Variants in ASPHD1 observed in about 807,000 individuals in gnomAD.
The protein encoded by ASPHD1 is aspartate beta-hydroxylase domain containing 1.
In ASPHD1, 20 loss-of-function variants were observed where a neutral mutation model predicts 28.3. The ratio of observed to expected loss-of-function variants is 0.71; its 90% confidence interval spans 0.50 to 1.03. The LOEUF (loss-of-function observed/expected upper bound fraction) is 1.03, where lower values mean the gene tolerates loss of function less well. Ranked by LOEUF, ASPHD1 falls within the 50% of genes least tolerant of loss-of-function variation. ASPHD1 has a pLI of 0.00. For synonymous variants in ASPHD1, 240 were observed against 221.2 expected, an observed-to-expected ratio of 1.08 and a Z score of -0.75; for missense variants, 479 against 524.1, an observed-to-expected ratio of 0.91 and a Z score of 0.84.
At chr16:29,918,633 G>A (rs575960795) in intron 3 of ASPHD1, among the ~76,000 whole-genome samples, 1 of 151,256 alleles carries the variant, frequency 6.6e-6, no homozygotes, top group African/African-American at 2.4e-5. Flanking sequence ...ACCACTCCCA[G>A]CTAATTTTTG....
chr16:29,903,130 C>T (rs917493987), intron 1 of ASPHD1, among the ~76,000 whole-genome samples: 3 of 150,926 alleles, frequency 2.0e-5, no homozygotes, highest in Admixed American at 2.0e-4. Context: ...CTGAGGCAGG[C>T]GGATCACCTG....
chr16:29,905,417 G>A (rs1245123547), intron 2 of ASPHD1, among the ~76,000 whole-genome samples: 1 of 152,038 alleles, frequency 6.6e-6, no homozygotes, highest in Non-Finnish European at 1.5e-5. Context: ...CCTGAGGCCA[G>A]GAGTTCGAGA....
At chr16:29,903,656 G>T (rs962898108) in intron 1 of ASPHD1, among the ~76,000 whole-genome samples, 9 of 151,946 alleles carry the variant, frequency 5.9e-5, no homozygotes, top group Non-Finnish European at 1.3e-4. Context: ...CCCTCTCTCT[G>T]TGCTCTAAAT....
intron 3 of ASPHD1, chr16:29,913,464 C>T (rs537696813): frequency 3.3e-5 from 5 of 152,270 alleles, no homozygotes; most frequent in Admixed American, 2.0e-4. Context: ...AGTATGAATT[C>T]GTTATCTATC....
chr16:29,904,597 A>C (rs2068583658), intron 1 of ASPHD1, among the ~76,000 whole-genome samples: 1 of 143,136 alleles, frequency 7.0e-6, no homozygotes, highest in African/African-American at 2.6e-5. Flanking sequence ...TGGGTGAGAG[A>C]GTGAGACTTT....
chr16:29,911,881 G>A (rs762811818), intron 3 of ASPHD1: 7 of 1,611,978 alleles, frequency 4.3e-6, no homozygotes, highest in Non-Finnish European at 5.1e-6. Flanking sequence ...GCGGGGGAGA[G>A]AGGATGGACG....
chr16:29,908,706 T>C (rs1268222344), downstream of ASPHD1, among the ~76,000 whole-genome samples: 2 of 147,810 alleles, frequency 1.4e-5, 1 homozygote, highest in Non-Finnish European at 3.0e-5. Context: ...TTTTAATCGT[T>C]GTTTGTTTGT....
At chr16:29,917,427 G>A (rs2068829655) in intron 3 of ASPHD1, among the ~76,000 whole-genome samples, 1 of 151,966 alleles carries the variant, frequency 6.6e-6, no homozygotes, top group Non-Finnish European at 1.5e-5. Context: ...TGGGCAGATC[G>A]CTTGAGCTCA....
At chr16:29,917,148 G>T (rs1012892869) in intron 3 of ASPHD1, among the ~76,000 whole-genome samples, 2 of 152,148 alleles carry the variant, frequency 1.3e-5, no homozygotes, top group East Asian at 3.8e-4. Flanking sequence ...TGTGGGAGGG[G>T]ACTGAACAAG....
chr16:29,915,497 C>T (rs933473727), intron 3 of ASPHD1, among the ~76,000 whole-genome samples: 9 of 151,044 alleles, frequency 6.0e-5, no homozygotes, highest in Non-Finnish European at 1.2e-4. Context: ...ACTAAAAATA[C>T]AAAAATTAGC....
At chr16:29,911,104 C>A in intron 3 of ASPHD1, 1 of 1,614,148 alleles carries the variant, frequency 6.2e-7, no homozygotes, top group Non-Finnish European at 8.5e-7. Flanking sequence ...GGAAGAGTAG[C>A]CGCCCGTGGA....
rs1289380423 is a variant in ASPHD1 at position 29,900,934 on chromosome 16, GAA to G, written c.-36_-35del. 1.3e-6 allele frequency: 2 copies of G among 1,533,198 alleles called. No individual in the cohort carries two copies. Among genetic ancestry groups the G allele is most frequent in the Admixed American group, 2.0e-5 (1 of 50,670 alleles). 95.0% of individuals were successfully genotyped at this position (1,533,198 alleles called of 1,614,324 possible). On this transcript the variant is annotated 5_prime_UTR_variant, in exon 1 of 3. Transcript: ENST00000308748. ...GAGGAAGAAGAGGTAGAAGGAGAGA[GAA>G]AGGGGAGAGAAAGGAGAGAGGAGGG...
At chr16:29,903,093 C>T (rs1351182689) in intron 1 of ASPHD1, among the ~76,000 whole-genome samples, 8 of 150,078 alleles carry the variant, frequency 5.3e-5, no homozygotes, top group Non-Finnish European at 5.9e-5. Flanking sequence ...CGGTGGCTCA[C>T]GCCTGTAATC....
rs1381578594 is a variant in ASPHD1, at chr16:29,901,059, A to C, written c.88A>C (p.Ser30Arg). 5 of 1,604,990 alleles carry C rather than the reference A, an allele frequency of 3.1e-6. No individual in the cohort carries two copies. The highest frequency in any genetic ancestry group is 4.3e-6 in the Non-Finnish European group (5 of 1,175,870). Residue 30 changes from serine (S) to arginine (R), a missense_variant, in exon 1 of 3, where the codon AGT (serine) becomes CGT (arginine). Physicochemically the swap from Ser to Arg is moderately radical, Grantham distance 110. Transcript: ENST00000308748. This position sits in a 1 kb window ranked among gnomAD's most constrained non-coding sequence, Gnocchi z 5.1. ...TAQSGMWKGN[S>R]PAGSQGAAME... is the part of the protein sequence containing the mutation. ...CCAGAGTGGAATGTGGAAGGGAAAC[A>C]GTCCAGCGGGGAGCCAGGGGGCAGC...
Position 29,900,521 on chromosome 16 carries a change from C to CG in ASPHD1, c.-446dup, listed in dbSNP as rs1190957458. 5.7e-6 allele frequency: 1 copy of CG among 174,452 alleles called. No homozygotes were observed. Among genetic ancestry groups the CG allele is most frequent in the Non-Finnish European group, 1.2e-5 (1 of 81,074 alleles). The allele number at this position is 174,452 out of a possible 1,614,324, so 10.8% of individuals were successfully genotyped here. ...GATTTGCTGTGCCACTGGGAGGGTT[C>CG]GGGGGTGGCTGAGCTGAGAGGGCTC... On this transcript the variant is annotated 5_prime_UTR_variant, in exon 1 of 3. Transcript: ENST00000308748.
rs1381578594 is a variant in ASPHD1 at position 29,901,059 on chromosome 16, A to G, written c.88A>G (p.Ser30Gly). Residue 30 changes from serine (S) to glycine (G), a missense_variant, in exon 1 of 3, where the codon AGT becomes GGT. Ser to Gly is a moderately conservative substitution (Grantham distance 56, BLOSUM62 0). Transcript: ENST00000308748. The surrounding 1 kb of genome is among the most constrained non-coding windows in gnomAD (Gnocchi z 5.1). ...TAQSGMWKGN[S>G]PAGSQGAAME... ...CCAGAGTGGAATGTGGAAGGGAAAC[A>G]GTCCAGCGGGGAGCCAGGGGGCAGC... is the stretch of plus-strand genomic sequence containing the variant. 1 of 1,604,872 alleles carries G rather than the reference A, an allele frequency of 6.2e-7. No homozygotes were observed. The highest frequency in any genetic ancestry group is 2.3e-5 in the East Asian group (1 of 44,422).
At chr16:29,908,638 C>A (rs953123591), downstream of ASPHD1, among the ~76,000 whole-genome samples, 7 of 151,918 alleles carry the variant, frequency 4.6e-5, no homozygotes, top group Non-Finnish European at 1.0e-4. Flanking sequence ...CCCGCCTCAG[C>A]CTCCCAAAGT....
intron 3 of ASPHD1, among the ~76,000 whole-genome samples, chr16:29,918,894 G>T (rs577026048): frequency 6.6e-6 from 1 of 151,494 alleles, no homozygotes; most frequent in Non-Finnish European, 1.5e-5. Flanking sequence ...TCCTGACCTT[G>T]TGATCCACCT....
At chr16:29,907,381 G>A (rs2068631777), downstream of ASPHD1, among the ~76,000 whole-genome samples, 1 of 152,188 alleles carries the variant, frequency 6.6e-6, no homozygotes, top group African/African-American at 2.4e-5. Flanking sequence ...TACTGAGTGA[G>A]TGCACTGCAC....
Sources: allele counts gnomAD v4.1 joint callset (sites outside exome capture counted in the v4.1 genomes callset), GRCh38; gene constraint gnomAD v4.1.1; non-coding constraint Gnocchi (gnomAD v3.1); transcripts MANE v1.5; gene names NCBI Gene and HGNC (gene_info 2026-07-23, HGNC 2026-07-21).